CHD1: variants seen among roughly 807,000 people sequenced by gnomAD.
CHD1 encodes chromodomain helicase DNA binding protein 1, also known as ATP-dependent chromatin remodeler CHD1.
CHD1 carries 36 observed loss-of-function variants against 224.2 expected under a neutral mutation model. The ratio of observed to expected loss-of-function variants is 0.16; its 90% CI spans 0.12 to 0.21. CHD1 has a LOEUF of 0.21. Among genes scored for constraint, CHD1 ranks in the 10% least tolerant of loss-of-function variants. CHD1 has a pLI of 1.00. For synonymous variants in CHD1, 668 were observed against 658.3 expected, an observed-to-expected ratio of 1.01 and a Z score of -0.23; for missense variants, 1,378 against 1,994.8, an observed-to-expected ratio of 0.69 and a Z score of 5.89.
intron 15 of CHD1, among the ~76,000 whole-genome samples, chr5:98,890,578 T>G (rs1242738350): frequency 6.6e-6 from 1 of 152,192 alleles, no homozygotes; most frequent in African/African-American, 2.4e-5. Context: ...ACTAAGAGAA[T>G]TACAGGTGAA....
At chr5:98,875,141 G>A in intron 24 of CHD1, 28 bp from the exon 25 acceptor site, 1 of 1,304,414 alleles carries the variant, frequency 7.7e-7, no homozygotes, top group Non-Finnish European at 1.1e-6. Context: ...TTTGGTAAAT[G>A]TGAGCTTCAG....
rs1750231767 is a variant in CHD1, at chr5:98,882,095, C to G, written c.2747G>C (p.Gly916Ala). Residue 916 changes from glycine to alanine, a missense_variant, in exon 20 of 36, where the codon GGA becomes GCA. This residue lies in a region of CHD1 where 57 missense variants were observed against 177.2 expected (regional missense o/e 0.32). Coordinates refer to ENST00000614616, the MANE Select transcript of CHD1 (RefSeq NM_001270.4). ...TTCAAGAATATCTTCTTCAACTGAT[C>G]CCTTTGTAACTAGACGATAAATATT... ...QVNIYRLVTK[G>A]SVEEDILERA... 6.2e-7 allele frequency: 1 copy of G among 1,612,984 alleles called. No homozygotes were observed.
At chr5:98,905,261 C>T (rs891525578) in intron 2 of CHD1, among the ~76,000 whole-genome samples, 163 bp from the exon 3 acceptor site, 3 of 152,140 alleles carry the variant, frequency 2.0e-5, no homozygotes, top group Non-Finnish European at 4.4e-5. Context: ...TCTATAGTAA[C>T]AACTGCCATA....
chr5:98,864,208 T>C (rs1318823767), intron 31 of CHD1, among the ~76,000 whole-genome samples: 1 of 152,130 alleles, frequency 6.6e-6, no homozygotes, highest in South Asian at 2.1e-4. Context: ...ACTATAACCT[T>C]ATGCCAAAAT....
At chr5:98,926,918 T>TGGGG (rs34603767) in intron 1 of CHD1, among the ~76,000 whole-genome samples, 17 of 59,702 alleles carry the variant, frequency 2.8e-4, no homozygotes, top group East Asian at 1.3e-3. Context: ...ATAAATGAAG[T>TGGGG]GGGGGGGGGG....
At chr5:98,878,849 A>C (rs1206944306) in intron 23 of CHD1, among the ~76,000 whole-genome samples, 1 of 152,226 alleles carries the variant, frequency 6.6e-6, no homozygotes, top group African/African-American at 2.4e-5. Flanking sequence ...ATTCAGAAAA[A>C]GTAACGCTTA....
intron 3 of CHD1, 103 bp from the exon 4 acceptor site, chr5:98,904,011 T>A (rs1282556080): frequency 1.5e-6 from 1 of 662,784 alleles, no homozygotes; most frequent in Non-Finnish European, 2.6e-6. Context: ...TGCCTCAAAG[T>A]AATAAAGACT....
At chr5:98,916,545 C>CAAAAAA (rs33988135) in intron 2 of CHD1, among the ~76,000 whole-genome samples, 4 of 40,374 alleles carry the variant, frequency 9.9e-5, no homozygotes, top group Non-Finnish European at 1.0e-4. Flanking sequence ...AACTCCGTCT[C>CAAAAAA]AAAAAAAAAA....
intron 2 of CHD1, among the ~76,000 whole-genome samples, chr5:98,910,240 A>G (rs561747375): frequency 6.6e-6 from 1 of 152,278 alleles, no homozygotes; most frequent in South Asian, 2.1e-4. Context: ...TTGGTTGCAA[A>G]TGGCACTATT....
At chr5:98,908,888 G>A (rs1180339033) in intron 2 of CHD1, among the ~76,000 whole-genome samples, 4 of 152,056 alleles carry the variant, frequency 2.6e-5, no homozygotes, top group African/African-American at 9.7e-5. Flanking sequence ...TAAAATTATA[G>A]TGTTTTCTTA....
At chr5:98,917,821 T>A (rs1752837006) in intron 2 of CHD1, among the ~76,000 whole-genome samples, 1 of 152,180 alleles carries the variant, frequency 6.6e-6, no homozygotes. Context: ...CATTTAAAGT[T>A]GACTTCTGAC....
intron 2 of CHD1, among the ~76,000 whole-genome samples, chr5:98,917,113 T>C (rs1561545776): frequency 3.3e-5 from 5 of 152,270 alleles, no homozygotes; most frequent in Non-Finnish European, 7.4e-5. Context: ...ATAAAAACTT[T>C]TGATCCTAGG....
In CHD1 at chr5:98,897,263, C is replaced by T; in HGVS notation, c.1423G>A (p.Gly475Arg). 6.2e-7 allele frequency: 1 copy of T among 1,612,120 alleles called. No individual in the cohort carries two copies. The highest frequency in any genetic ancestry group is 1.1e-5 in the South Asian group (1 of 90,964). ...ALKKQPSYIGGHEGLELRDYQ... is the reference protein window; with the variant it reads ...ALKKQPSYIGRHEGLELRDYQ... ...TCTCTTAATTCTAAGCCCTCATGTCCTCCAATATAGGATGGCTGCTTCTTC... is the reference window on the plus strand; with the variant it reads ...TCTCTTAATTCTAAGCCCTCATGTCTTCCAATATAGGATGGCTGCTTCTTC... The change falls in exon 11 of 36, where the codon GGA (glycine) becomes AGA (arginine). Residue 475 changes from glycine (G) to arginine (R), a missense_variant. Coordinates refer to ENST00000614616, the MANE Select transcript of CHD1 (RefSeq NM_001270.4).
In CHD1 at chr5:98,854,294, T is replaced by G. The variant is rs896225663; in HGVS notation, c.*2086A>C. On this transcript the variant is annotated 3_prime_UTR_variant, in exon 36 of 36. Coordinates refer to ENST00000614616, the MANE Select transcript of CHD1 (RefSeq NM_001270.4). Reference sequence around the variant, plus strand: ...AACTTTCAACTAAATGTAGCACTATTTAAAAAATTAGAGCCTTATCTCAGA... The same window carrying G: ...AACTTTCAACTAAATGTAGCACTATGTAAAAAATTAGAGCCTTATCTCAGA... 2 of 152,060 alleles carry G rather than the reference T, an allele frequency of 1.3e-5. No individual in the cohort carries two copies. Among genetic ancestry groups the G allele is most frequent in the African/African-American group, 4.8e-5 (2 of 41,440 alleles). The allele number at this position is 152,060 out of a possible 1,614,324, so 9.4% of individuals were successfully genotyped here.
At chr5:98,879,341 C>A (rs913915159) in intron 23 of CHD1, among the ~76,000 whole-genome samples, 6 of 151,994 alleles carry the variant, frequency 3.9e-5, no homozygotes, top group African/African-American at 7.2e-5. Flanking sequence ...CACACACACA[C>A]AAAAATCAAT....
chr5:98,928,447 G>A, intron 1 of CHD1, 92 bp downstream of exon 1: 1 of 153,650 alleles, frequency 6.5e-6, no homozygotes, highest in Non-Finnish European at 1.4e-5. Context: ...CCGCTGGGCC[G>A]CCGCCTGGGC....
At chr5:98,890,053 G>A (rs327803) in intron 15 of CHD1, among the ~76,000 whole-genome samples, 1 of 151,948 alleles carries the variant, frequency 6.6e-6, no homozygotes, top group Non-Finnish European at 1.5e-5. Flanking sequence ...ACTACTAGAG[G>A]GGGGAAGGAG....
intron 7 of CHD1, among the ~76,000 whole-genome samples, 155 bp from the exon 8 acceptor site, chr5:98,899,860 A>C (rs1293817750): frequency 6.6e-6 from 1 of 152,190 alleles, no homozygotes; most frequent in Non-Finnish European, 1.5e-5. Flanking sequence ...ATTGCTCATA[A>C]ATAAAACTGA....
intron 2 of CHD1, among the ~76,000 whole-genome samples, chr5:98,914,022 C>A (rs1467033517): frequency 3.3e-5 from 5 of 152,180 alleles, no homozygotes; most frequent in Non-Finnish European, 5.9e-5. Flanking sequence ...AAACAACCAT[C>A]CCCCCAGTTT....
Sources: gnomAD v4.1 joint callset for allele counts (sites outside exome capture counted in the v4.1 genomes callset) on GRCh38, gnomAD v4.1.1 for gene constraint, gnomAD v4.1.1 regional missense constraint, MANE v1.5 for transcripts, NCBI Gene and HGNC (gene_info 2026-07-23, HGNC 2026-07-21) for gene names.